UPK3A: variants seen among roughly 807,000 people sequenced by gnomAD.
UPK3A encodes the protein uroplakin-3a.
UPK3A carries 32 observed loss-of-function variants against 27.6 expected under a neutral mutation model. The ratio of observed to expected loss-of-function variants is 1.16; its 90% CI spans 0.87 to 1.55. The LOEUF (loss-of-function observed/expected upper bound fraction) is 1.55, where lower values mean the gene tolerates loss of function less well. Among genes scored for constraint, UPK3A ranks in the 40% most tolerant of loss-of-function variants. The pLI, the probability that UPK3A is intolerant of heterozygous loss-of-function variation, is 0.00. For missense variants in UPK3A, 370 were observed against 367.9 expected (o/e 1.01, Z -0.05); for synonymous variants, 171 against 163.9 (o/e 1.04, Z -0.33).
rs1278407327 is a variant in UPK3A, at chr22:45,289,045, C to T, written c.489-16C>T. The T allele has an allele frequency of 1.2e-6, 2 of 1,613,138 alleles. No individual in the cohort carries two copies. Among genetic ancestry groups the T allele is most frequent in the African/African-American group, 1.3e-5 (1 of 74,928 alleles). Reference sequence around the variant, plus strand: ...ACAGGAAGCATAAAAGTCACCCTGGCTCCGTCTCCTTCCAGGTTCAAGTAT... The same window carrying T: ...ACAGGAAGCATAAAAGTCACCCTGGTTCCGTCTCCTTCCAGGTTCAAGTAT... On this transcript the variant is annotated splice_polypyrimidine_tract_variant and intron_variant, in intron 3 of 5. Coordinates refer to ENST00000216211, the MANE Select transcript of UPK3A (RefSeq NM_006953.4).
At chr22:45,289,265 A>C in intron 4 of UPK3A, 122 bp downstream of exon 4, 1 of 956,436 alleles carries the variant, frequency 1.0e-6, no homozygotes, top group African/African-American at 1.6e-5. Context: ...GGCAGTGATG[A>C]GTAAAATGCT....
At chr22:45,290,501 G>A (rs923940020) in intron 4 of UPK3A, among the ~76,000 whole-genome samples, 3 of 152,120 alleles carry the variant, frequency 2.0e-5, no homozygotes, top group East Asian at 1.9e-4. Flanking sequence ...TGCGTGTGGC[G>A]TGTGGTAACT....
rs1282899426 is a variant in UPK3A, at chr22:45,294,274, A to G, written c.704+961A>G. ...GGAGTAGGTATAGTTAAGTGGATCC[A>G]TGGAAAGCAGCCAGGCAGGAAAAGA... On this transcript the variant is annotated intron_variant, in intron 5 of 5. Transcript: ENST00000216211. Among the ~76,000 whole-genome samples the G allele has an allele frequency of 2.0e-5, 3 of 152,218 alleles. No homozygotes were observed. In the East Asian group the frequency reaches 5.8e-4, roughly 29 times the overall value.
chr22:45,289,183 C>G (rs774786375), intron 4 of UPK3A, 40 bp downstream of exon 4: 6 of 1,605,528 alleles, frequency 3.7e-6, no homozygotes, highest in Admixed American at 3.3e-5. Context: ...CTCAAGGGGA[C>G]CCGAGAAGGC....
chr22:45,290,820 G>C (rs1211635688), intron 4 of UPK3A, among the ~76,000 whole-genome samples: 1 of 152,186 alleles, frequency 6.6e-6, no homozygotes, highest in African/African-American at 2.4e-5. Flanking sequence ...AGTGGCATTA[G>C]AGTGTCACGG....
intron 3 of UPK3A, among the ~76,000 whole-genome samples, chr22:45,287,909 C>CT (rs2084130786): frequency 6.6e-6 from 1 of 152,216 alleles, no homozygotes. Flanking sequence ...AGTGATCAGC[C>CT]TGCTTTGGCC....
At chr22:45,289,342 G>T (rs912013711) in intron 4 of UPK3A, among the ~76,000 whole-genome samples, 199 bp downstream of exon 4, 1 of 152,138 alleles carries the variant, frequency 6.6e-6, no homozygotes, top group Non-Finnish European at 1.5e-5. Context: ...TTGGGAGGCT[G>T]AGGCAGGTGG....
At chr22:45,289,532 G>A (rs55651132) in intron 4 of UPK3A, among the ~76,000 whole-genome samples, 1 of 146,290 alleles carries the variant, frequency 6.8e-6, no homozygotes, top group Non-Finnish European at 1.5e-5. Context: ...GAGCCAAGAT[G>A]ACACCACTGC....
In UPK3A at chr22:45,295,681, G is replaced by A. The variant is rs747976159; in HGVS notation, c.826G>A (p.Asp276Asn). 3 of 1,613,980 alleles carry A rather than the reference G, an allele frequency of 1.9e-6. No individual in the cohort carries two copies. Among genetic ancestry groups the A allele is most frequent in the Admixed American group, 1.7e-5 (1 of 60,006 alleles). ...GTCCGTGAACCGGGGGCCGCCACTG[G>A]ACAGGGCTGAGGTGTATTCCAGCAA... ...YTSVNRGPPL[D>N]RAEVYSSKLQ... Residue 276 changes from aspartate to asparagine, a missense_variant, in exon 6 of 6, where the codon GAC (aspartate) becomes AAC (asparagine). By Grantham distance (23) the Asp-to-Asn change is conservative. Coordinates refer to ENST00000216211, the MANE Select transcript of UPK3A (RefSeq NM_006953.4).
In UPK3A at chr22:45,287,191, A is replaced by T; in HGVS notation, c.228A>T (p.Ser76=). Residue 76 remains serine, a synonymous_variant, in exon 3 of 6, where the codon TCA becomes TCT. Coordinates refer to ENST00000216211, the MANE Select transcript of UPK3A (RefSeq NM_006953.4). ...LVDSAISRNA[S]VQDSTNTPLG... Reference sequence around the variant, plus strand: ...CTGCAGCCATTTCCAGGAATGCCTCAGTGCAAGACAGCACCAACACCCCAC... The same window carrying T: ...CTGCAGCCATTTCCAGGAATGCCTCTGTGCAAGACAGCACCAACACCCCAC... 3 of 1,614,222 alleles carry T rather than the reference A, an allele frequency of 1.9e-6. No homozygotes were observed. The highest frequency in any genetic ancestry group is 2.5e-6 in the Non-Finnish European group (3 of 1,180,048).
Position 45,286,091 on chromosome 22 carries a change from ACT to A in UPK3A, c.205_206del (p.Ala70HisfsTer36), listed in dbSNP as rs751057836. ...GAGGTCTACCTGTATGTCCTGGTCGACTCAGGTAAGGGTCCTGCTTCCCTCTG... is the reference window on the plus strand; with the variant it reads ...GAGGTCTACCTGTATGTCCTGGTCGACAGGTAAGGGTCCTGCTTCCCTCTG... On this transcript the variant is annotated frameshift_variant, in exon 2 of 6. Transcript: ENST00000216211. LOFTEE classifies it high-confidence loss of function. 2.7e-5 allele frequency: 43 copies of A among 1,613,848 alleles called. 1 individual carries two copies. In the Middle Eastern group the frequency reaches 8.2e-4, roughly 31 times the overall value.
At chr22:45,292,618 C>G (rs1048802575) in intron 4 of UPK3A, among the ~76,000 whole-genome samples, 1 of 152,078 alleles carries the variant, frequency 6.6e-6, no homozygotes, top group Admixed American at 6.6e-5. Context: ...TATGCAAAGC[C>G]GGGGCACTCT....
chr22:45,285,367 G>A (rs2084110380), intron 1 of UPK3A, among the ~76,000 whole-genome samples: 1 of 152,142 alleles, frequency 6.6e-6, no homozygotes, highest in South Asian at 2.1e-4. Flanking sequence ...GAGATATTTC[G>A]GCCGAGGAAG....
chr22:45,289,633 A>G (rs1003928560), intron 4 of UPK3A, among the ~76,000 whole-genome samples: 1 of 151,020 alleles, frequency 6.6e-6, no homozygotes. Flanking sequence ...ACGTGCCTGT[A>G]ATCCCAGCTA....
At chr22:45,286,181 C>T (rs1461485511) in intron 2 of UPK3A, 85 bp downstream of exon 2, 3 of 1,549,204 alleles carry the variant, frequency 1.9e-6, no homozygotes, top group East Asian at 2.3e-5. Flanking sequence ...ATAGAGGAAC[C>T]CTCCATGCCT....
intron 4 of UPK3A, among the ~76,000 whole-genome samples, chr22:45,292,827 G>T (rs2084170486): frequency 6.6e-6 from 1 of 152,016 alleles, no homozygotes; most frequent in Non-Finnish European, 1.5e-5. Context: ...AGGATGGCTT[G>T]AGCCTGGGAG....
In UPK3A at chr22:45,287,443, G is replaced by A. The variant is rs200247042; in HGVS notation, c.480G>A (p.Thr160=). Residue 160 remains threonine (T), a synonymous_variant, in exon 3 of 6, where the codon ACG becomes ACA. Transcript: ENST00000216211. ...GLCNAPLSAA[T]EYRFKYVLVN... The stretch of plus-strand genomic sequence containing the variant: ...GTAACGCACCCCTGTCGGCAGCCAC[G>A]GAGTACAGGTGGGTGTAAACAAACC... 53 of 1,595,124 alleles carry A rather than the reference G, an allele frequency of 3.3e-5. No individual in the cohort carries two copies. The East Asian group carries it at 6.1e-4, about 18-fold the overall frequency.
intron 4 of UPK3A, among the ~76,000 whole-genome samples, chr22:45,289,440 G>A (rs756778833): frequency 2.6e-4 from 40 of 152,160 alleles, no homozygotes; most frequent in African/African-American, 4.8e-4. Flanking sequence ...GTAGCCAGGC[G>A]TGGTGGGGGT....
intron 2 of UPK3A, among the ~76,000 whole-genome samples, chr22:45,286,412 ACCCC>A (rs371467694): frequency 2.0e-5 from 3 of 151,764 alleles, no homozygotes; most frequent in Admixed American, 2.0e-4. Flanking sequence ...AGGTGGAATA[ACCCC>A]CCCTGGACCT....
Sources: gnomAD v4.1 joint callset for allele counts (sites outside exome capture counted in the v4.1 genomes callset) on GRCh38, gnomAD v4.1.1 for gene constraint, MANE v1.5 for transcripts, NCBI Gene and HGNC (gene_info 2026-07-23, HGNC 2026-07-21) for gene names.